Variants in FAM234A observed in about 807,000 individuals in gnomAD.
FAM234A encodes the protein family with sequence similarity 234 member A.
FAM234A carries 42 observed loss-of-function variants against 49.1 expected under a neutral mutation model. The observed-to-expected ratio is 0.86, with a 90% CI of 0.67 to 1.11. The LOEUF (loss-of-function observed/expected upper bound fraction) is 1.11. Ranked by LOEUF, FAM234A falls within the 50% of genes least tolerant of loss-of-function variation. The probability of loss-of-function intolerance (pLI) is 0.00; values close to 1 mark genes in which losing one functional copy is unlikely to be tolerated. For synonymous variants in FAM234A, 369 were observed against 316.2 expected, an observed-to-expected ratio of 1.17 and a Z score of -1.77; for missense variants, 815 against 745.2, an observed-to-expected ratio of 1.09 and a Z score of -1.09.
chr16:236,478 C>G (rs1414015214), intron 1 of FAM234A, among the ~76,000 whole-genome samples: 6 of 150,574 alleles, frequency 4.0e-5, no homozygotes, highest in African/African-American at 1.5e-4. Context: ...TAAAAATTAG[C>G]TGGGTGTGGT....
rs1036513275 is a variant in FAM234A, at chr16:260,272, G to A, written c.577+112G>A. 116 of 1,014,396 alleles carry A rather than the reference G, an allele frequency of 1.1e-4. 2 individuals are homozygous for A. In the South Asian group the frequency reaches 1.4e-3, roughly 13 times the overall value. The allele number at this position is 1,014,396 out of a possible 1,614,324, so 62.8% of individuals were successfully genotyped here. A position where few individuals can be genotyped will look rare whatever the true frequency, so the allele number is the denominator to read the frequency against. On this transcript the variant is annotated intron_variant, in intron 5 of 12. Coordinates refer to ENST00000399932, the MANE Select transcript of FAM234A (RefSeq NM_032039.4). ...GAGGCTCAGCCCTGTGATCTTGAGG[G>A]TGGCTGGATGGGAAGGAAGGTTATG...
intron 2 of FAM234A, among the ~76,000 whole-genome samples, chr16:251,867 G>A (rs2051027376): frequency 6.6e-6 from 1 of 151,030 alleles, no homozygotes; most frequent in Admixed American, 6.6e-5. Context: ...GCCAGGCATG[G>A]TGGCGGACGC....
chr16:249,275 C>T (rs369018258), intron 1 of FAM234A, among the ~76,000 whole-genome samples: 12 of 151,986 alleles, frequency 7.9e-5, no homozygotes, highest in East Asian at 1.9e-4. Context: ...TGGGATGAAC[C>T]GAACAAGGGC....
chr16:264,547 C>G (rs953587454), intron 11 of FAM234A, 67 bp from the exon 12 acceptor site: 83 of 1,074,888 alleles, frequency 7.7e-5, no homozygotes, highest in Non-Finnish European at 1.1e-4. Flanking sequence ...CACGGTCACT[C>G]TGACAGCAGT....
chr16:258,581 G>A (rs868466426), intron 3 of FAM234A, among the ~76,000 whole-genome samples: 3 of 152,170 alleles, frequency 2.0e-5, no homozygotes, highest in African/African-American at 7.2e-5. Flanking sequence ...GCAACCATCC[G>A]ATTTCTCAAT....
chr16:269,859 T>C (rs58846708), downstream of FAM234A: 37,375 of 391,576 alleles, frequency 0.095, 2,681 homozygotes, highest in East Asian at 0.3. Context: ...CCTCAGCCAT[T>C]AGCGGGAACC....
chr16:264,544 A>T, intron 11 of FAM234A, 70 bp from the exon 12 acceptor site: 1 of 1,043,598 alleles, frequency 9.6e-7, no homozygotes, highest in Non-Finnish European at 1.5e-6. Flanking sequence ...AGGCACGGTC[A>T]CTCTGACAGC....
At chr16:246,663 C>T (rs2050820754) in intron 1 of FAM234A, among the ~76,000 whole-genome samples, 1 of 151,394 alleles carries the variant, frequency 6.6e-6, no homozygotes, top group South Asian at 2.1e-4. Flanking sequence ...TTGTGATCCG[C>T]CCGCTTTGGC....
chr16:247,126 TTGTTC>T (rs1567212078), intron 1 of FAM234A: 1 of 151,484 alleles, frequency 6.6e-6, no homozygotes, highest in South Asian at 2.1e-4. Context: ...TATCGATGTT[TTGTTC>T]TGTTTTGTTT....
At position 265,925 on chromosome 16, in the gene FAM234A, A is replaced by G. The variant is rs540712963; in HGVS notation, c.*903A>G. On this transcript the variant is annotated 3_prime_UTR_variant, in exon 13 of 13. Transcript: ENST00000399932. ...TCACACGCCCACGCCGTGCCACCCG[A>G]TGCAGGACTCACCTCTGTGCCTTGC... 4 of 986,264 alleles carry G rather than the reference A, an allele frequency of 4.1e-6. No individual in the cohort carries two copies. The highest frequency in any genetic ancestry group is 9.4e-5 in the South Asian group (2 of 21,298). The allele number at this position is 986,264 out of a possible 1,614,324, so 61.1% of individuals were successfully genotyped here.
intron 4 of FAM234A, among the ~76,000 whole-genome samples, 175 bp downstream of exon 4, chr16:259,774 G>T (rs1472035603): frequency 6.6e-6 from 1 of 152,178 alleles, no homozygotes; most frequent in African/African-American, 2.4e-5. Context: ...TCCCAGCACT[G>T]CCCTGGCCCC....
Position 262,573 on chromosome 16 carries a change from T to C in FAM234A, c.971+20T>C, listed in dbSNP as rs2051512335. On this transcript the variant is annotated intron_variant, in intron 8 of 12. Coordinates refer to ENST00000399932, the MANE Select transcript of FAM234A (RefSeq NM_032039.4). ...CCACAGGTGGGTCCGGGCCGCAGCCTTTCTCCATGCAGAGCGCCCACCCCA... is the reference window on the plus strand; with the variant it reads ...CCACAGGTGGGTCCGGGCCGCAGCCCTTCTCCATGCAGAGCGCCCACCCCA... The C allele has an allele frequency of 6.4e-7, 1 of 1,564,246 alleles. No individual in the cohort carries two copies. Among genetic ancestry groups the C allele is most frequent in the Middle Eastern group, 1.9e-4 (1 of 5,292 alleles).
rs1229765523 is a variant in FAM234A at position 258,406 on chromosome 16, A to G, written c.269-1077A>G. On this transcript the variant is annotated intron_variant, in intron 3 of 12. Transcript: ENST00000399932. Reference sequence around the variant, plus strand: ...ATCTGTTTAACAAAGCACATCTTGCACCGCCCTTAATCCATTCAACCCTGA... The same window carrying G: ...ATCTGTTTAACAAAGCACATCTTGCGCCGCCCTTAATCCATTCAACCCTGA... Among the ~76,000 whole-genome samples the G allele has an allele frequency of 3.9e-5, 6 of 152,254 alleles. No homozygotes were observed. The South Asian group carries it at 8.3e-4, about 21-fold the overall frequency.
intron 1 of FAM234A, among the ~76,000 whole-genome samples, chr16:245,739 C>T (rs1368217444): frequency 6.6e-6 from 1 of 152,106 alleles, no homozygotes; most frequent in Non-Finnish European, 1.5e-5. Context: ...ACACTTCAAG[C>T]CATCCTGGGC....
chr16:252,931 TG>T (rs2051077892), intron 2 of FAM234A, among the ~76,000 whole-genome samples: 1 of 152,220 alleles, frequency 6.6e-6, no homozygotes, highest in Non-Finnish European at 1.5e-5. Context: ...ACTTCCTTTT[TG>T]GGTAGGTGAA....
Position 265,025 on chromosome 16 carries a change from G to T in FAM234A, c.*3G>T, listed in dbSNP as rs774376067. The T allele has an allele frequency of 3.8e-6, 6 of 1,595,246 alleles. No individual in the cohort carries two copies. The highest frequency in any genetic ancestry group is 5.1e-6 in the Non-Finnish European group (6 of 1,168,578). ...TGCGGTACCAGAGTGAGGCGTAGAG[G>T]CACGCCAGCCAGAGCCTGTGGAGAG... On this transcript the variant is annotated 3_prime_UTR_variant, in exon 13 of 13. Coordinates refer to ENST00000399932, the MANE Select transcript of FAM234A (RefSeq NM_032039.4).
chr16:244,117 C>T lies in FAM234A; in HGVS notation c.-139-5432C>T, dbSNP rs191450619. 8.2e-4 allele frequency among the ~76,000 whole-genome samples: 125 copies of T among 152,114 alleles called. 1 individual carries two copies. Among genetic ancestry groups the T allele is most frequent in the African/African-American group, 2.6e-3 (108 of 41,510 alleles). On this transcript the variant is annotated intron_variant, in intron 1 of 12. Coordinates refer to ENST00000399932, the MANE Select transcript of FAM234A (RefSeq NM_032039.4). The stretch of plus-strand genomic sequence containing the variant: ...CTGAGTAGCTGGGACTACAGGCACC[C>T]GCCACCACGCCCGGCTAATTTTTTC...
chr16:266,133 C>G, downstream of FAM234A: 1 of 963,814 alleles, frequency 1.0e-6, no homozygotes. Flanking sequence ...GTGTGTGCGT[C>G]TGCCTGTCTG....
intron 1 of FAM234A, among the ~76,000 whole-genome samples, chr16:238,016 TTTTA>T (rs1488183064): frequency 1.9e-4 from 2 of 10,672 alleles, no homozygotes; most frequent in Non-Finnish European, 3.6e-4. Context: ...TGTTATTTAT[TTTTA>T]TTTATTTATT....
Sources: gnomAD v4.1 joint callset for allele counts (sites outside exome capture counted in the v4.1 genomes callset) on GRCh38, gnomAD v4.1.1 for gene constraint, MANE v1.5 for transcripts, NCBI Gene and HGNC (gene_info 2026-07-23, HGNC 2026-07-21) for gene names.